Variants in FAM107B observed in about 807,000 individuals in gnomAD.
The protein encoded by FAM107B is family with sequence similarity 107 member B, also known as protein FAM107B.
A neutral mutation model predicts 31.5 loss-of-function variants in FAM107B; 21 were observed. The ratio of observed to expected loss-of-function variants is 0.67; its 90% CI spans 0.47 to 0.96. The LOEUF (loss-of-function observed/expected upper bound fraction) is 0.96, where lower values mean the gene tolerates loss of function less well. FAM107B is among the 40% of genes least tolerant of loss of function. FAM107B has a pLI of 0.00. For missense variants in FAM107B, 452 were observed against 377.1 expected (o/e 1.20, Z -1.64); for synonymous variants, 157 against 141.5 (o/e 1.11, Z -0.78).
intron 1 of FAM107B, among the ~76,000 whole-genome samples, chr10:14,731,604 T>A (rs532964298): frequency 6.9e-4 from 105 of 152,302 alleles, no homozygotes; most frequent in African/African-American, 2.5e-3. Context: ...AGAAACTTTT[T>A]AAATCTCTCA....
intron 1 of FAM107B, among the ~76,000 whole-genome samples, chr10:14,768,176 A>C (rs1483465708): frequency 6.6e-6 from 1 of 152,234 alleles, no homozygotes; most frequent in Admixed American, 6.5e-5. Context: ...TAAATGGAAA[A>C]TATCTTGTGT....
chr10:14,530,309 AT>A, intron 3 of FAM107B, 22 bp downstream of exon 3: 1 of 1,586,744 alleles, frequency 6.3e-7, no homozygotes, highest in Non-Finnish European at 8.5e-7. Flanking sequence ...TAAAAAAAAA[AT>A]ATGCTCAAGA....
chr10:14,599,605 T>C (rs1414256150), intron 2 of FAM107B, among the ~76,000 whole-genome samples: 1 of 152,078 alleles, frequency 6.6e-6, no homozygotes, highest in Non-Finnish European at 1.5e-5. Context: ...GAGTTCAAGA[T>C]CAGCCGGGGC....
intron 2 of FAM107B, among the ~76,000 whole-genome samples, chr10:14,625,868 T>TAAAAAAAAAA (rs58736805): frequency 5.5e-5 from 6 of 108,918 alleles, no homozygotes; most frequent in Non-Finnish European, 8.7e-5. Flanking sequence ...GCTCATGGAT[T>TAAAAAAAAAA]AAAAAAAAAA....
intron 3 of FAM107B, among the ~76,000 whole-genome samples, chr10:14,523,156 T>C (rs943540086): frequency 6.6e-6 from 1 of 152,236 alleles, no homozygotes; most frequent in African/African-American, 2.4e-5. Flanking sequence ...AGCTTAAGAT[T>C]TGCCTTTTCT....
chr10:14,572,255 A>G, intron 2 of FAM107B: 5 of 985,500 alleles, frequency 5.1e-6, no homozygotes, highest in Non-Finnish European at 6.0e-6. Context: ...ACGTGCTGGC[A>G]GCACTGGTGA....
chr10:14,532,892 T>C (rs573968842), intron 2 of FAM107B, among the ~76,000 whole-genome samples: 17 of 152,150 alleles, frequency 1.1e-4, no homozygotes, highest in African/African-American at 4.1e-4. Context: ...CTGGAGGGAA[T>C]GTGACAGAAG....
chr10:14,599,263 C>T (rs574738714), intron 2 of FAM107B, among the ~76,000 whole-genome samples: 1 of 152,178 alleles, frequency 6.6e-6, no homozygotes, highest in Non-Finnish European at 1.5e-5. Context: ...AGTCTCCCGA[C>T]TGCTAAGGAC....
intron 1 of FAM107B, among the ~76,000 whole-genome samples, chr10:14,761,647 T>C (rs1044370663): frequency 3.9e-5 from 6 of 152,182 alleles, no homozygotes; most frequent in African/African-American, 1.4e-4. Flanking sequence ...TCACCCAGGC[T>C]GGAGTGCAGT....
intron 1 of FAM107B, among the ~76,000 whole-genome samples, chr10:14,703,010 T>C (rs939442044): frequency 6.6e-6 from 1 of 152,052 alleles, no homozygotes; most frequent in Non-Finnish European, 1.5e-5. Context: ...AAAAGAACTA[T>C]TTACAAGTTA....
chr10:14,643,000 A>G (rs149951604), intron 2 of FAM107B, among the ~76,000 whole-genome samples: 2 of 152,318 alleles, frequency 1.3e-5, no homozygotes, highest in African/African-American at 4.8e-5. Flanking sequence ...ACCCAATTCC[A>G]AAGCCATTTC....
intron 1 of FAM107B, among the ~76,000 whole-genome samples, chr10:14,675,329 A>G (rs910478793): frequency 1.3e-5 from 2 of 151,872 alleles, no homozygotes; most frequent in Non-Finnish European, 2.9e-5. Context: ...TGATATCAAC[A>G]TTTTCTCATT....
At chr10:14,586,016 C>T (rs567960550) in intron 2 of FAM107B, among the ~76,000 whole-genome samples, 3 of 152,266 alleles carry the variant, frequency 2.0e-5, no homozygotes, top group Non-Finnish European at 4.4e-5. Context: ...CTTGCTTGGG[C>T]GTGCAGGGGT....
At chr10:14,748,689 GC>G (rs1307061687) in intron 1 of FAM107B, among the ~76,000 whole-genome samples, 2 of 152,230 alleles carry the variant, frequency 1.3e-5, no homozygotes, top group African/African-American at 2.4e-5. Context: ...TTGCAGCAGA[GC>G]GGTCACCAGG....
rs1554757453 is a variant in FAM107B at position 14,762,801 on chromosome 10, C to CAA, written c.411+11450_411+11451dup. On this transcript the variant is annotated intron_variant, in intron 1 of 4. Transcript: ENST00000181796. ...ACACACACACACACACACACACACACAAAAAGAACATGTCACATTCAAATG... is the reference window on the plus strand; with the variant it reads ...ACACACACACACACACACACACACACAAAAAAAGAACATGTCACATTCAAATG... Among the ~76,000 whole-genome samples, 594 of 141,214 alleles carry CAA rather than the reference C, an allele frequency of 4.2e-3. 11 individuals are homozygous for CAA. The highest frequency in any genetic ancestry group is 0.014 in the African/African-American group (518 of 38,350). The allele number at this position is 141,214 out of a possible 152,430, so 92.6% of individuals were successfully genotyped here.
intron 1 of FAM107B, among the ~76,000 whole-genome samples, chr10:14,732,223 C>T (rs1208820774): frequency 1.3e-5 from 2 of 152,180 alleles, no homozygotes; most frequent in Non-Finnish European, 2.9e-5. Flanking sequence ...GCACAGACAT[C>T]ATCGTTCAGC....
At chr10:14,607,272 T>G (rs1319781570) in intron 2 of FAM107B, among the ~76,000 whole-genome samples, 1 of 152,254 alleles carries the variant, frequency 6.6e-6, no homozygotes, top group Admixed American at 6.5e-5. Context: ...TACTTTGAAT[T>G]TATTAATTCA....
intron 2 of FAM107B, among the ~76,000 whole-genome samples, chr10:14,538,553 C>A (rs752697129): frequency 6.6e-6 from 1 of 152,130 alleles, no homozygotes; most frequent in East Asian, 1.9e-4. Context: ...ATGCTTATTT[C>A]GGGAGTGAAT....
chr10:14,683,939 C>T (rs1588703825), intron 1 of FAM107B, among the ~76,000 whole-genome samples: 2 of 152,164 alleles, frequency 1.3e-5, no homozygotes, highest in South Asian at 2.1e-4. Context: ...AAGAGAGAAG[C>T]GTGTCTTAGG....
Sources: allele counts gnomAD v4.1 joint callset (sites outside exome capture counted in the v4.1 genomes callset), GRCh38; gene constraint gnomAD v4.1.1; transcripts MANE v1.5; gene names NCBI Gene and HGNC (gene_info 2026-07-23, HGNC 2026-07-21).